Variants in UNC13B observed in about 807,000 individuals in gnomAD.
UNC13B encodes unc-13 homolog B, also known as protein unc-13 homolog B.
A neutral mutation model predicts 211.0 loss-of-function variants in UNC13B; 144 were observed. The ratio of observed to expected loss-of-function variants is 0.68; its 90% CI spans 0.60 to 0.78. The LOEUF is 0.78. Ranked by LOEUF, UNC13B falls within the 30% of genes least tolerant of loss-of-function variation. The probability of loss-of-function intolerance (pLI) is 0.00; values close to 1 mark genes in which losing one functional copy is unlikely to be tolerated. For synonymous variants in UNC13B, 709 were observed against 725.8 expected, an observed-to-expected ratio of 0.98 and a Z score of 0.37; for missense variants, 1,777 against 2,002.0, an observed-to-expected ratio of 0.89 and a Z score of 2.14.
At chr9:35,309,186 C>T (rs1830064375) in intron 9 of UNC13B, among the ~76,000 whole-genome samples, 1 of 151,666 alleles carries the variant, frequency 6.6e-6, no homozygotes. Flanking sequence ...ACCTTGACCT[C>T]TGGCCCAAAC....
chr9:35,226,310 A>G (rs1365716902), intron 1 of UNC13B, among the ~76,000 whole-genome samples: 1 of 152,148 alleles, frequency 6.6e-6, no homozygotes, highest in Non-Finnish European at 1.5e-5. Flanking sequence ...CCCCAGAAAG[A>G]ACCTGTATTA....
chr9:35,190,563 A>G (rs1203960567), intron 1 of UNC13B, among the ~76,000 whole-genome samples: 1 of 151,904 alleles, frequency 6.6e-6, no homozygotes, highest in Non-Finnish European at 1.5e-5. Context: ...CCCCTCCCCC[A>G]AAACAGGGTC....
At chr9:35,270,433 T>C (rs1241900084) in intron 7 of UNC13B, among the ~76,000 whole-genome samples, 2 of 152,172 alleles carry the variant, frequency 1.3e-5, no homozygotes, top group African/African-American at 2.4e-5. Context: ...CACACACATA[T>C]ACATGTATAT....
Position 35,384,272 on chromosome 9 carries a change from C to A in UNC13B, c.10833C>A (p.Asp3611Glu). Residue 3611 changes from aspartate to glutamate, a missense_variant, in exon 22 of 40, where the codon GAC becomes GAA. Physicochemically the swap from Asp to Glu is conservative, Grantham distance 45. Coordinates refer to ENST00000635942, the MANE Select transcript of UNC13B (RefSeq NM_001371189.2). ...FGKERFVKLL[D>E]QLHNSLRIDL... ...AAGAGAGATTTGTAAAACTGCTGGA[C>A]CAGCTACACAACTCACTGAGGATCG... 6.2e-7 allele frequency: 1 copy of A among 1,614,062 alleles called. No homozygotes were observed. Among genetic ancestry groups the A allele is most frequent in the Non-Finnish European group, 8.5e-7 (1 of 1,179,974 alleles).
chr9:35,231,065 A>G (rs1825172626), intron 2 of UNC13B, 55 bp from the exon 3 acceptor site: 3 of 1,169,190 alleles, frequency 2.6e-6, no homozygotes, highest in Non-Finnish European at 3.8e-6. Flanking sequence ...GCTTTGTGAG[A>G]TGGGTAACAA....
Position 35,300,667 on chromosome 9 carries a change from A to G in UNC13B, c.1263A>G (p.Pro421=), listed in dbSNP as rs149366413. The G allele has an allele frequency of 3.3e-4, 130 of 399,052 alleles. No individual in the cohort carries two copies. In the East Asian group the frequency reaches 4.4e-3, roughly 14 times the overall value. 24.7% of individuals were successfully genotyped at this position (399,052 alleles called of 1,614,324 possible). The part of the protein sequence containing the change: ...EEYYVANSAL[P]LQRMNCDAKT... Reference sequence around the variant, plus strand: ...ATTATGTAGCAAATTCAGCATTGCCATTACAAAGGATGAATTGTGATGCAA... The same window carrying G: ...ATTATGTAGCAAATTCAGCATTGCCGTTACAAAGGATGAATTGTGATGCAA... The change falls in exon 9 of 40, where the codon CCA becomes CCG. Residue 421 remains proline (P), a synonymous_variant. Transcript: ENST00000635942.
chr9:35,249,063 A>G (rs986611878), intron 6 of UNC13B, among the ~76,000 whole-genome samples: 1 of 152,138 alleles, frequency 6.6e-6, no homozygotes, highest in Non-Finnish European at 1.5e-5. Context: ...TGTATATTTA[A>G]GATAGTTAGC....
chr9:35,237,912 C>T, intron 5 of UNC13B, 86 bp downstream of exon 5: 2 of 1,360,780 alleles, frequency 1.5e-6, no homozygotes, highest in South Asian at 2.8e-5. Flanking sequence ...TATATTTTGT[C>T]ACCTCAGCCA....
At chr9:35,294,215 A>G (rs567189039) in intron 7 of UNC13B, among the ~76,000 whole-genome samples, 3 of 152,184 alleles carry the variant, frequency 2.0e-5, no homozygotes, top group African/African-American at 7.2e-5. Context: ...TTTCCGCTGT[A>G]TAGATGCAGG....
intron 12 of UNC13B, among the ~76,000 whole-genome samples, chr9:35,367,872 C>T (rs1363742774): frequency 6.6e-6 from 1 of 152,154 alleles, no homozygotes; most frequent in Non-Finnish European, 1.5e-5. Context: ...TCTCATTCCC[C>T]ACTCCTTCCC....
At chr9:35,381,327 C>A in intron 19 of UNC13B, 112 bp downstream of exon 19, 1 of 1,049,172 alleles carries the variant, frequency 9.5e-7, no homozygotes, top group South Asian at 1.6e-5. Context: ...AAATTTTATC[C>A]TTGATTCACT....
chr9:35,378,918 A>G (rs57640488), intron 17 of UNC13B, among the ~76,000 whole-genome samples: 3,994 of 152,160 alleles, frequency 0.026, 179 homozygotes, highest in African/African-American at 0.089. Flanking sequence ...TCCCATAAAG[A>G]TAGTGTTTCT....
intron 36 of UNC13B, 83 bp from the exon 37 acceptor site, chr9:35,400,213 C>G (rs1253374378): frequency 3.2e-6 from 5 of 1,562,584 alleles, no homozygotes; most frequent in Admixed American, 1.8e-5. Flanking sequence ...TCACAGTCCT[C>G]TTCTTGCTTC....
chr9:35,189,650 C>T (rs983941491), intron 1 of UNC13B, among the ~76,000 whole-genome samples: 3 of 152,094 alleles, frequency 2.0e-5, no homozygotes, highest in African/African-American at 7.2e-5. Context: ...GCACTTGTAA[C>T]ATTTTTCATT....
intron 6 of UNC13B, among the ~76,000 whole-genome samples, chr9:35,258,055 A>G (rs1369511474): frequency 1.3e-5 from 2 of 152,234 alleles, no homozygotes; most frequent in Non-Finnish European, 2.9e-5. Context: ...AGTGCCTAGA[A>G]CAAGGCCTTG....
intron 22 of UNC13B, chr9:35,385,467 T>C (rs1364879473): frequency 3.0e-6 from 3 of 985,296 alleles, no homozygotes; most frequent in Non-Finnish European, 3.6e-6. Flanking sequence ...TGCTTATACA[T>C]TGCATGGGAA....
At chr9:35,241,920 A>T (rs1825835144) in intron 5 of UNC13B, among the ~76,000 whole-genome samples, 1 of 152,212 alleles carries the variant, frequency 6.6e-6, no homozygotes, top group Non-Finnish European at 1.5e-5. Context: ...GAAGGGAAGG[A>T]GCTGAAGTTT....
chr9:35,330,352 A>G (rs1237775019), intron 11 of UNC13B, among the ~76,000 whole-genome samples: 1 of 152,198 alleles, frequency 6.6e-6, no homozygotes, highest in East Asian at 1.9e-4. Context: ...ATTGCTGACC[A>G]TGGCTGGAAC....
At chr9:35,255,697 AG>A (rs1181423369) in intron 6 of UNC13B, among the ~76,000 whole-genome samples, 1 of 152,044 alleles carries the variant, frequency 6.6e-6, no homozygotes, top group African/African-American at 2.4e-5. Context: ...GATCTAGTGC[AG>A]GGTCTGCAAA....
Sources: allele counts gnomAD v4.1 joint callset (sites outside exome capture counted in the v4.1 genomes callset), GRCh38; gene constraint gnomAD v4.1.1; transcripts MANE v1.5; gene names NCBI Gene and HGNC (gene_info 2026-07-23, HGNC 2026-07-21).